The following MCTP1 variants were observed in gnomAD, a reference collection of about 807,000 sequenced individuals.
MCTP1 encodes multiple C2 and transmembrane domain-containing protein 1.
MCTP1 carries 69 observed loss-of-function variants against 120.6 expected under a neutral mutation model. The ratio of observed to expected loss-of-function variants is 0.57; its 90% CI spans 0.47 to 0.70. MCTP1 has a LOEUF of 0.70. MCTP1 is among the 30% of genes least tolerant of loss of function. The probability of loss-of-function intolerance (pLI) is 0.00; values close to 1 mark genes in which losing one functional copy is unlikely to be tolerated. For synonymous variants in MCTP1, 529 were observed against 493.1 expected, an observed-to-expected ratio of 1.07 and a Z score of -0.96; for missense variants, 1,203 against 1,248.8, an observed-to-expected ratio of 0.96 and a Z score of 0.55.
chr5:94,835,829 C>A (rs559324170), intron 17 of MCTP1, among the ~76,000 whole-genome samples: 2 of 152,022 alleles, frequency 1.3e-5, no homozygotes, highest in African/African-American at 4.8e-5. Flanking sequence ...ATGGTGAAAC[C>A]CCGTCTCTAC....
intron 2 of MCTP1, among the ~76,000 whole-genome samples, chr5:94,960,049 A>G (rs1436596209): frequency 1.3e-5 from 2 of 152,224 alleles, no homozygotes; most frequent in Non-Finnish European, 2.9e-5. Flanking sequence ...CCAAAACAGC[A>G]TGGTACTGAT....
In MCTP1 at chr5:95,063,547, C is replaced by T. The variant is rs960860864; in HGVS notation, c.721-46063G>A. ...CACAAGGAAACATTTATTTAATCTG[C>T]ATTTTTAAAAAGAAGATAGAAAAGG... On this transcript the variant is annotated intron_variant, in intron 1 of 22. Transcript: ENST00000515393. Among the ~76,000 whole-genome samples the T allele has an allele frequency of 2.0e-5, 3 of 152,234 alleles. 1 individual carries two copies. Among genetic ancestry groups the T allele is most frequent in the South Asian group, 4.1e-4 (2 of 4,832 alleles).
intron 1 of MCTP1, among the ~76,000 whole-genome samples, chr5:95,266,124 G>A (rs932830759): frequency 1.3e-5 from 2 of 152,126 alleles, no homozygotes; most frequent in African/African-American, 2.4e-5. Context: ...GGCATATCTA[G>A]ACCTACTGTT....
intron 17 of MCTP1, among the ~76,000 whole-genome samples, chr5:94,856,321 G>C (rs1363261946): frequency 6.6e-6 from 1 of 151,634 alleles, no homozygotes; most frequent in Non-Finnish European, 1.5e-5. Flanking sequence ...ATCATCAATA[G>C]ACCTAGATCA....
At chr5:95,106,969 A>G (rs1757130122) in intron 1 of MCTP1, among the ~76,000 whole-genome samples, 1 of 152,238 alleles carries the variant, frequency 6.6e-6, no homozygotes, top group Non-Finnish European at 1.5e-5. Context: ...AATGAGAATC[A>G]GAATCTTATC....
rs1037559204 is a variant in MCTP1 at position 95,019,429 on chromosome 5, C to T, written c.721-1945G>A. Among the ~76,000 whole-genome samples the T allele has an allele frequency of 7.9e-5, 12 of 151,998 alleles. No homozygotes were observed. In the South Asian group the frequency reaches 8.3e-4, roughly 10 times the overall value. ...GCCAACATCTCCTCTTTTCCTTCCA[C>T]GCCCCCACCCCTAGTAACCACTTTT... is the stretch of plus-strand genomic sequence containing the variant. On this transcript the variant is annotated intron_variant, in intron 1 of 22. Coordinates refer to ENST00000515393, the MANE Select transcript of MCTP1 (RefSeq NM_024717.7).
intron 17 of MCTP1, among the ~76,000 whole-genome samples, chr5:94,865,726 A>G (rs1433975630): frequency 1.3e-5 from 2 of 151,960 alleles, no homozygotes; most frequent in African/African-American, 4.8e-5. Context: ...GTGATATTAA[A>G]ATTACAAGGT....
intron 17 of MCTP1, among the ~76,000 whole-genome samples, chr5:94,859,636 C>T (rs1276257009): frequency 4.0e-5 from 6 of 151,688 alleles, no homozygotes; most frequent in Non-Finnish European, 8.9e-5. Flanking sequence ...AAACCAGATA[C>T]ATACTGACAC....
intron 1 of MCTP1, among the ~76,000 whole-genome samples, chr5:95,182,989 G>C (rs1026558780): frequency 6.8e-6 from 1 of 147,372 alleles, no homozygotes; most frequent in Non-Finnish European, 1.5e-5. Flanking sequence ...TCGCACCATT[G>C]CACTCCAGCC....
chr5:95,281,374 G>A (rs1017555139), intron 1 of MCTP1, among the ~76,000 whole-genome samples: 5 of 152,170 alleles, frequency 3.3e-5, no homozygotes, highest in Non-Finnish European at 4.4e-5. Context: ...GAGGTGAGCC[G>A]GGCTCCTTTG....
At chr5:94,707,880 G>A (rs1318677971) in intron 22 of MCTP1, among the ~76,000 whole-genome samples, 2 of 151,144 alleles carry the variant, frequency 1.3e-5, no homozygotes, top group Admixed American at 6.6e-5. Flanking sequence ...ACAATTTATC[G>A]TGTGTTTGCT....
intron 1 of MCTP1, among the ~76,000 whole-genome samples, chr5:95,122,171 T>G (rs1758293757): frequency 6.6e-6 from 1 of 152,034 alleles, no homozygotes; most frequent in African/African-American, 2.4e-5. Flanking sequence ...CTGAAAAGCT[T>G]CTGAACAGCC....
At chr5:94,826,484 C>G in intron 17 of MCTP1, 2 of 696,928 alleles carry the variant, frequency 2.9e-6, no homozygotes, top group South Asian at 2.7e-5. Flanking sequence ...GTCATCCTCG[C>G]CATTCAAATT....
Position 95,147,068 on chromosome 5 carries a change from C to T in MCTP1, c.721-129584G>A, listed in dbSNP as rs529327888. ...AATCTGGGTGCTACGATGTTGGGTGCTTATTTATTTTATTTTATTTATTTA... is the reference window on the plus strand; with the variant it reads ...AATCTGGGTGCTACGATGTTGGGTGTTTATTTATTTTATTTTATTTATTTA... On this transcript the variant is annotated intron_variant, in intron 1 of 22. Coordinates refer to ENST00000515393, the MANE Select transcript of MCTP1 (RefSeq NM_024717.7). Among the ~76,000 whole-genome samples, 5 of 151,952 alleles carry T rather than the reference C, an allele frequency of 3.3e-5. No individual in the cohort carries two copies. The East Asian group carries it at 7.7e-4, about 23-fold the overall frequency.
intron 7 of MCTP1, among the ~76,000 whole-genome samples, chr5:94,921,829 G>T (rs1402444207): frequency 1.3e-5 from 2 of 152,194 alleles, no homozygotes; most frequent in African/African-American, 2.4e-5. Flanking sequence ...GTCAAATAAT[G>T]CAAGAAGAAT....
chr5:95,010,058 A>G lies in MCTP1; in HGVS notation c.838+7309T>C, dbSNP rs190785116. On this transcript the variant is annotated intron_variant, in intron 2 of 22. Transcript: ENST00000515393. ...AAGGGTGATATGAGACATAGGGGGC[A>G]TAACCATTTTGATTTTGCTGGGTAG... is the stretch of plus-strand genomic sequence containing the variant. Among the ~76,000 whole-genome samples, 59 of 152,266 alleles carry G rather than the reference A, an allele frequency of 3.9e-4. No homozygotes were observed. The East Asian group carries it at 0.011, about 29-fold the overall frequency.
intron 1 of MCTP1, among the ~76,000 whole-genome samples, chr5:95,050,462 A>T (rs1745602767): frequency 6.6e-6 from 1 of 152,172 alleles, no homozygotes; most frequent in Non-Finnish European, 1.5e-5. Flanking sequence ...TGAGAGTAGA[A>T]ATGAAGCCAT....
At chr5:94,742,504 C>T (rs1765751651) in intron 19 of MCTP1, among the ~76,000 whole-genome samples, 1 of 152,184 alleles carries the variant, frequency 6.6e-6, no homozygotes, top group African/African-American at 2.4e-5. Flanking sequence ...GCCTAACAGC[C>T]TTAGGTCAAA....
intron 1 of MCTP1, among the ~76,000 whole-genome samples, chr5:95,244,319 G>C (rs1273410539): frequency 1.3e-5 from 2 of 152,206 alleles, no homozygotes; most frequent in Non-Finnish European, 2.9e-5. Flanking sequence ...TCATCTCATT[G>C]GGACTGGTTG....
Sources: gnomAD v4.1 joint callset for allele counts (sites outside exome capture counted in the v4.1 genomes callset) on GRCh38, gnomAD v4.1.1 for gene constraint, MANE v1.5 for transcripts, NCBI Gene and HGNC (gene_info 2026-07-23, HGNC 2026-07-21) for gene names.